CACNA2D3: variants seen among roughly 807,000 people sequenced by gnomAD.
CACNA2D3 encodes calcium voltage-gated channel auxiliary subunit alpha2delta 3.
In CACNA2D3, 60 loss-of-function variants were observed where a neutral mutation model predicts 160.6. That is an observed-to-expected ratio of 0.37 (90% CI 0.30 to 0.46). CACNA2D3 has a LOEUF of 0.46. CACNA2D3 is among the 20% of genes least tolerant of loss of function. The pLI, the probability that CACNA2D3 is intolerant of heterozygous loss-of-function variation, is 1.00. For missense variants in CACNA2D3, 1,205 were observed against 1,365.0 expected (o/e 0.88, Z 1.85); for synonymous variants, 558 against 492.9 (o/e 1.13, Z -1.75).
intron 4 of CACNA2D3, among the ~76,000 whole-genome samples, chr3:54,444,275 G>A (rs2106801412): frequency 6.6e-6 from 1 of 152,174 alleles, no homozygotes; most frequent in African/African-American, 2.4e-5. Flanking sequence ...TTTTTTTCTA[G>A]CATCTTCCTT....
At chr3:54,714,434 T>A (rs183638403) in intron 11 of CACNA2D3, among the ~76,000 whole-genome samples, 1 of 152,150 alleles carries the variant, frequency 6.6e-6, no homozygotes, top group African/African-American at 2.4e-5. Flanking sequence ...AGAACAAGCC[T>A]TAGGATTCAG....
chr3:55,030,837 T>TA (rs1703671482), intron 35 of CACNA2D3, among the ~76,000 whole-genome samples: 1 of 152,186 alleles, frequency 6.6e-6, no homozygotes, highest in South Asian at 2.1e-4. Context: ...TGCTCTTTGA[T>TA]AAGCAGTGTT....
At chr3:55,010,670 G>C (rs1703192772) in intron 34 of CACNA2D3, among the ~76,000 whole-genome samples, 1 of 152,156 alleles carries the variant, frequency 6.6e-6, no homozygotes, top group African/African-American at 2.4e-5. Flanking sequence ...TTAAAAAAGA[G>C]ATTGATTAGT....
At chr3:54,311,912 C>T (rs1703751756) in intron 2 of CACNA2D3, among the ~76,000 whole-genome samples, 1 of 152,088 alleles carries the variant, frequency 6.6e-6, no homozygotes, top group Non-Finnish European at 1.5e-5. Flanking sequence ...TTATCTCTTG[C>T]ACTGTGGCTG....
chr3:54,621,968 C>T (rs562203958), intron 9 of CACNA2D3, among the ~76,000 whole-genome samples: 1 of 151,814 alleles, frequency 6.6e-6, no homozygotes, highest in Non-Finnish European at 1.5e-5. Context: ...TTTTTCGGGT[C>T]CCCCAGGGAG....
At chr3:54,437,203 G>A (rs561309553) in intron 4 of CACNA2D3, among the ~76,000 whole-genome samples, 1 of 152,126 alleles carries the variant, frequency 6.6e-6, no homozygotes, top group African/African-American at 2.4e-5. Context: ...TCTGCAATTT[G>A]CTTTTTTATT....
chr3:54,860,277 G>A (rs12634786), intron 17 of CACNA2D3, among the ~76,000 whole-genome samples: 16,478 of 152,232 alleles, frequency 0.11, 1,299 homozygotes, highest in East Asian at 0.31. Context: ...CAGTGAAGAG[G>A]TGTAGAGATT....
intron 27 of CACNA2D3, among the ~76,000 whole-genome samples, chr3:54,933,130 G>T (rs2106961309): frequency 7.2e-6 from 1 of 138,490 alleles, no homozygotes; most frequent in South Asian, 2.3e-4. Flanking sequence ...CTGGACCTCT[G>T]CCTTTGGATT....
At chr3:54,461,258 C>A (rs1700498759) in intron 4 of CACNA2D3, among the ~76,000 whole-genome samples, 1 of 151,456 alleles carries the variant, frequency 6.6e-6, no homozygotes, top group African/African-American at 2.4e-5. Context: ...GTGTCTCTGC[C>A]CAGCTTTGGT....
intron 4 of CACNA2D3, among the ~76,000 whole-genome samples, chr3:54,455,407 A>G (rs550895968): frequency 6.6e-6 from 1 of 152,074 alleles, no homozygotes; most frequent in Non-Finnish European, 1.5e-5. Context: ...GTCCACTCAG[A>G]TCATTTGCCC....
At chr3:54,547,644 A>G (rs935259130) in intron 5 of CACNA2D3, among the ~76,000 whole-genome samples, 6 of 106,504 alleles carry the variant, frequency 5.6e-5, no homozygotes, top group Non-Finnish European at 1.2e-4. Context: ...GGATTTATTT[A>G]TATTTTAAAG....
chr3:54,716,539 AAC>A (rs1701053380), intron 11 of CACNA2D3, among the ~76,000 whole-genome samples: 1 of 152,200 alleles, frequency 6.6e-6, no homozygotes, highest in Non-Finnish European at 1.5e-5. Flanking sequence ...AGGGAAAATA[AAC>A]AGAGTACAGG....
intron 4 of CACNA2D3, among the ~76,000 whole-genome samples, chr3:54,495,444 G>A (rs1399406110): frequency 6.6e-6 from 1 of 152,066 alleles, no homozygotes; most frequent in Non-Finnish European, 1.5e-5. Context: ...AGTAACCCAT[G>A]TATCATCAAG....
At chr3:54,256,032 T>A (rs115974526) in intron 2 of CACNA2D3, among the ~76,000 whole-genome samples, 4 of 152,046 alleles carry the variant, frequency 2.6e-5, no homozygotes, top group Non-Finnish European at 5.9e-5. Flanking sequence ...GAAGTCATTG[T>A]TAAATTTAGG....
At chr3:54,825,752 G>A (rs1386788814) in intron 14 of CACNA2D3, among the ~76,000 whole-genome samples, 4 of 152,058 alleles carry the variant, frequency 2.6e-5, no homozygotes, top group Non-Finnish European at 5.9e-5. Flanking sequence ...TTAACACTGA[G>A]GTAAATCAGA....
intron 35 of CACNA2D3, among the ~76,000 whole-genome samples, chr3:55,060,805 C>A (rs1704489424): frequency 6.6e-6 from 1 of 152,086 alleles, no homozygotes; most frequent in Non-Finnish European, 1.5e-5. Context: ...AAAATGATAG[C>A]CAAGTTTTAA....
In CACNA2D3 at chr3:55,074,390, C is replaced by A; in HGVS notation, c.*184C>A. The A allele has an allele frequency of 1.0e-5, 5 of 497,504 alleles. No homozygotes were observed. The South Asian group carries it at 1.2e-4, about 12-fold the overall frequency. The allele number at this position is 497,504 out of a possible 1,614,324, so 30.8% of individuals were successfully genotyped here. ...TAAAGATATGTTGACAAAAAGTTAT[C>A]TATCATCTTTTTACTTTGCCAGTCA... On this transcript the variant is annotated 3_prime_UTR_variant, in exon 38 of 38. Transcript: ENST00000474759.
chr3:54,182,957 A>C (rs1576984073), intron 2 of CACNA2D3, among the ~76,000 whole-genome samples: 1 of 152,340 alleles, frequency 6.6e-6, no homozygotes, highest in East Asian at 1.9e-4. Flanking sequence ...TTCACAGCAC[A>C]TTATGACATT....
At chr3:54,303,313 T>C (rs1037025058) in intron 2 of CACNA2D3, among the ~76,000 whole-genome samples, 1 of 152,226 alleles carries the variant, frequency 6.6e-6, no homozygotes, top group Non-Finnish European at 1.5e-5. Context: ...CTTGATTCTA[T>C]AGTCTTTTCT....
Sources: gnomAD v4.1 joint callset for allele counts (sites outside exome capture counted in the v4.1 genomes callset) on GRCh38, gnomAD v4.1.1 for gene constraint, MANE v1.5 for transcripts, NCBI Gene and HGNC (gene_info 2026-07-23, HGNC 2026-07-21) for gene names.